MIA3: variants seen among roughly 807,000 people sequenced by gnomAD.
The protein encoded by MIA3 is transport and Golgi organization protein 1 homolog.
Under a neutral mutation model 192.4 loss-of-function variants are expected in MIA3, and 90 were observed. The ratio of observed to expected loss-of-function variants is 0.47; its 90% CI spans 0.39 to 0.56. The LOEUF (loss-of-function observed/expected upper bound fraction) is 0.56, where lower values mean the gene tolerates loss of function less well. Ranked by LOEUF, MIA3 falls within the 20% of genes least tolerant of loss-of-function variation. The probability of loss-of-function intolerance (pLI) is 0.00; values close to 1 mark genes in which losing one functional copy is unlikely to be tolerated. For synonymous variants in MIA3, 740 were observed against 792.8 expected (o/e 0.93, Z 1.12); for missense variants, 2,123 against 2,269.4 (o/e 0.94, Z 1.31).
chr1:222,656,118 C>T (rs906569496), intron 18 of MIA3, among the ~76,000 whole-genome samples: 2 of 151,646 alleles, frequency 1.3e-5, no homozygotes, highest in East Asian at 1.9e-4. Flanking sequence ...TACAGGCGCC[C>T]GCCACCATGC....
In MIA3 at chr1:222,628,702, T is replaced by G; in HGVS notation, c.1482T>G (p.Thr494=). 2 of 1,614,192 alleles carry G rather than the reference T, an allele frequency of 1.2e-6. No individual in the cohort carries two copies. The highest frequency in any genetic ancestry group is 1.7e-6 in the Non-Finnish European group (2 of 1,180,046). Residue 494 remains threonine, a synonymous_variant, in exon 4 of 28, where the codon ACT becomes ACG. Coordinates refer to ENST00000344922, the MANE Select transcript of MIA3 (RefSeq NM_198551.4). ...ELEDENQEGM[T]VHSSVHSNNL... ...AGGATGAAAATCAAGAAGGCATGAC[T>G]GTGCACAGTTCTGTTCACAGCAATA...
At chr1:222,632,376 C>G (rs545090471) in intron 5 of MIA3, 50 bp downstream of exon 5, 14 of 1,490,694 alleles carry the variant, frequency 9.4e-6, no homozygotes, top group African/African-American at 2.8e-5. Flanking sequence ...ATAAAGAAGG[C>G]CTTCTAGGAG....
At chr1:222,642,761 A>G (rs1662921180) in intron 6 of MIA3, among the ~76,000 whole-genome samples, 1 of 152,222 alleles carries the variant, frequency 6.6e-6, no homozygotes, top group African/African-American at 2.4e-5. Flanking sequence ...GTGAGAAATC[A>G]TATTTCATTG....
At chr1:222,648,647 A>G (rs1338724535) in intron 7 of MIA3, among the ~76,000 whole-genome samples, 182 bp from the exon 8 acceptor site, 1 of 152,196 alleles carries the variant, frequency 6.6e-6, no homozygotes, top group African/African-American at 2.4e-5. Flanking sequence ...ACATATCACT[A>G]CTGGTTAAAT....
chr1:222,618,640 G>A (rs914127215), intron 1 of MIA3, among the ~76,000 whole-genome samples: 3 of 151,338 alleles, frequency 2.0e-5, no homozygotes, highest in African/African-American at 4.8e-5. Context: ...TGCGCGCCGC[G>A]CGTCTGGGCT....
chr1:222,650,840 A>G lies in MIA3; in HGVS notation c.3846A>G (p.Thr1282=). The G allele has an allele frequency of 6.2e-7, 1 of 1,610,862 alleles. No individual in the cohort carries two copies. The highest frequency in any genetic ancestry group is 8.5e-7 in the Non-Finnish European group (1 of 1,178,882). Residue 1282 remains threonine (T), a synonymous_variant, in exon 11 of 28, where the codon ACA becomes ACG. Transcript: ENST00000344922. Reference sequence around the variant, plus strand: ...AAAATCAGGAAATTCTGGATGACACAGCTAAAAATCTTCGTGTTATGCTAG... The same window carrying G: ...AAAATCAGGAAATTCTGGATGACACGGCTAAAAATCTTCGTGTTATGCTAG... ...LEKNQEILDD[T]AKNLRVMLES...
chr1:222,647,008 T>C (rs1430119386), intron 7 of MIA3, among the ~76,000 whole-genome samples: 1 of 152,100 alleles, frequency 6.6e-6, no homozygotes, highest in Non-Finnish European at 1.5e-5. Context: ...AGAAAATAAA[T>C]GCTGCAAGGA....
intron 11 of MIA3, among the ~76,000 whole-genome samples, 182 bp from the exon 12 acceptor site, chr1:222,651,795 T>A (rs1352020427): frequency 1.3e-5 from 2 of 152,192 alleles, no homozygotes; most frequent in African/African-American, 4.8e-5. Context: ...CTTTGATTAT[T>A]TTCCCTTACC....
chr1:222,635,353 G>A (rs991753460), intron 6 of MIA3, among the ~76,000 whole-genome samples: 8 of 152,180 alleles, frequency 5.3e-5, no homozygotes, highest in African/African-American at 1.9e-4. Context: ...ATATAGGAGT[G>A]GTGTAGGATA....
In MIA3 at chr1:222,621,278, G is replaced by A. The variant is rs1378667396; in HGVS notation, c.253G>A (p.Val85Ile). 1 of 1,607,770 alleles carries A rather than the reference G, an allele frequency of 6.2e-7. No homozygotes were observed. Residue 85 changes from valine to isoleucine, a missense_variant, in exon 2 of 28, where the codon GTT becomes ATT. Val to Ile is a conservative substitution (Grantham distance 29, BLOSUM62 3). Transcript: ENST00000344922. Reference sequence around the variant, plus strand: ...TAAACTGGCAAGAGGATGGCCTGAAGTTTGGGCTGGAAGTGTAAGTAAAAT... The same window carrying A: ...TAAACTGGCAAGAGGATGGCCTGAAATTTGGGCTGGAAGTGTAAGTAAAAT... ...YYKLARGWPE[V>I]WAGSVGRTFG... is the part of the protein sequence containing the mutation.
At position 222,658,816 on chromosome 1, in the gene MIA3, A is replaced by C; in HGVS notation, c.4702A>C (p.Thr1568Pro). 2 of 1,610,636 alleles carry C rather than the reference A, an allele frequency of 1.2e-6. No individual in the cohort carries two copies. The highest frequency in any genetic ancestry group is 1.7e-6 in the Non-Finnish European group (2 of 1,177,910). Residue 1568 changes from threonine (T) to proline (P), a missense_variant, in exon 19 of 28, where the codon ACT becomes CCT. Physicochemically the swap from Thr to Pro is conservative, Grantham distance 38 (BLOSUM62 -1). Transcript: ENST00000344922. ...AGTTTCGGCTGCAGAGGAAGTAAAA[A>C]CTTACAAGTAAGTTCACCTCCTAAA... The part of the protein sequence containing the change: ...KAVSAAEEVK[T>P]YKRRIEEMED...
Position 222,650,353 on chromosome 1 carries a change from A to G in MIA3, c.3693A>G (p.Val1231=), listed in dbSNP as rs1196989705. 1 of 1,600,096 alleles carries G rather than the reference A, an allele frequency of 6.2e-7. No homozygotes were observed. The change falls in exon 9 of 28, where the codon GTA becomes GTG. Residue 1231 remains valine (V), a synonymous_variant. Coordinates refer to ENST00000344922, the MANE Select transcript of MIA3 (RefSeq NM_198551.4). ...TCATGAAAGAAAATACAGAACTTGT[A>G]CAAAAATTGTCAAATTATGAACAGA... ...KTIMKENTEL[V]QKLSNYEQKI...
chr1:222,655,402 T>A (rs775781507), intron 18 of MIA3, among the ~76,000 whole-genome samples: 4 of 152,324 alleles, frequency 2.6e-5, no homozygotes, highest in Non-Finnish European at 4.4e-5. Flanking sequence ...AGTTCAAGTT[T>A]TTTGTCCACA....
In MIA3 at chr1:222,658,709, A is replaced by AC; in HGVS notation, c.4608-13_4608-12insC. On this transcript the variant is annotated splice_polypyrimidine_tract_variant and intron_variant, in intron 18 of 27. Coordinates refer to ENST00000344922, the MANE Select transcript of MIA3 (RefSeq NM_198551.4). ...AAGAGAAACACTTTCATTGACAACC[A>AC]GTTTTATCTTAGGAAACTGAGTCAA... 6.3e-7 allele frequency: 1 copy of AC among 1,582,242 alleles called. No homozygotes were observed. The highest frequency in any genetic ancestry group is 8.6e-7 in the Non-Finnish European group (1 of 1,161,356).
intron 6 of MIA3, among the ~76,000 whole-genome samples, chr1:222,634,087 C>G (rs1325970042): frequency 6.6e-6 from 1 of 152,144 alleles, no homozygotes; most frequent in Admixed American, 6.5e-5. Context: ...TGGGAGCTGC[C>G]CACCTTGGCC....
rs1290848541 is a variant in MIA3 at position 222,659,439 on chromosome 1, A to G, written c.4710-14A>G. On this transcript the variant is annotated splice_polypyrimidine_tract_variant and intron_variant, in intron 19 of 27. Coordinates refer to ENST00000344922, the MANE Select transcript of MIA3 (RefSeq NM_198551.4). ...AGTTGTGCTTTAAATGATAAAGCCA[A>G]GTGTAATTCTTAGGCGGAGAATTGA... 4 of 1,612,642 alleles carry G rather than the reference A, an allele frequency of 2.5e-6. No homozygotes were observed. The highest frequency in any genetic ancestry group is 2.5e-6 in the Non-Finnish European group (3 of 1,178,986).
chr1:222,658,990 C>A, intron 19 of MIA3, 167 bp downstream of exon 19: 1 of 537,146 alleles, frequency 1.9e-6, no homozygotes, highest in Non-Finnish European at 3.3e-6. Context: ...AACAAATACC[C>A]AGTGCTGGCA....
chr1:222,638,756 T>C (rs1454144397), intron 6 of MIA3, among the ~76,000 whole-genome samples: 2 of 151,940 alleles, frequency 1.3e-5, no homozygotes, highest in African/African-American at 2.4e-5. Context: ...GTGTGTACAA[T>C]GTCGCCAAAG....
intron 2 of MIA3, among the ~76,000 whole-genome samples, chr1:222,622,311 T>G (rs1257318042): frequency 6.6e-6 from 1 of 152,208 alleles, no homozygotes; most frequent in Non-Finnish European, 1.5e-5. Flanking sequence ...GCCTGTCTTA[T>G]GAGTTATTGT....
Sources: allele counts gnomAD v4.1 joint callset (sites outside exome capture counted in the v4.1 genomes callset), GRCh38; gene constraint gnomAD v4.1.1; transcripts MANE v1.5; gene names NCBI Gene and HGNC (gene_info 2026-07-23, HGNC 2026-07-21).